SRBD1: variants seen among roughly 807,000 people sequenced by gnomAD.
SRBD1 encodes S1 RNA-binding domain-containing protein 1.
A neutral mutation model predicts 115.3 loss-of-function variants in SRBD1; 88 were observed. That is an observed-to-expected ratio of 0.76 (90% CI 0.64 to 0.91). The LOEUF is 0.91. Ranked by LOEUF, SRBD1 falls within the 40% of genes least tolerant of loss-of-function variation. The pLI is 0.00. For synonymous variants in SRBD1, 509 were observed against 407.7 expected, an observed-to-expected ratio of 1.25 and a Z score of -2.99; for missense variants, 1,385 against 1,177.4, an observed-to-expected ratio of 1.18 and a Z score of -2.58.
intron 14 of SRBD1, among the ~76,000 whole-genome samples, chr2:45,489,712 T>C (rs947918626): frequency 6.6e-6 from 1 of 152,132 alleles, no homozygotes; most frequent in African/African-American, 2.4e-5. Context: ...ATTTTGGGGA[T>C]AAGTAGTATG....
At chr2:45,488,477 T>C (rs896778000) in intron 14 of SRBD1, 146 bp from the exon 15 acceptor site, 2 of 586,658 alleles carry the variant, frequency 3.4e-6, no homozygotes, top group Non-Finnish European at 5.9e-6. Context: ...TGACAGCATC[T>C]AATATTTCAT....
intron 14 of SRBD1, among the ~76,000 whole-genome samples, chr2:45,510,633 C>CA (rs1206890981): frequency 6.6e-6 from 1 of 152,206 alleles, no homozygotes; most frequent in Non-Finnish European, 1.5e-5. Context: ...GAGAAGACTC[C>CA]ACTTCAGGCC....
At chr2:45,537,296 C>A (rs909084445) in intron 14 of SRBD1, among the ~76,000 whole-genome samples, 1 of 152,182 alleles carries the variant, frequency 6.6e-6, no homozygotes, top group Non-Finnish European at 1.5e-5. Context: ...AATTGTACTT[C>A]TTGTCACTAT....
chr2:45,572,352 G>T (rs6544832), intron 9 of SRBD1, among the ~76,000 whole-genome samples: 31,394 of 152,044 alleles, frequency 0.21, 5,728 homozygotes, highest in African/African-American at 0.49. Context: ...TAAAAAAATT[G>T]CTGGAGATTG....
At position 45,419,846 on chromosome 2, in the gene SRBD1, C is replaced by G; in HGVS notation, c.2098G>C (p.Glu700Gln). The change falls in exon 17 of 21, where the codon GAA (glutamate) becomes CAA (glutamine). Residue 700 changes from glutamate to glutamine, a missense_variant. Glu to Gln is a conservative substitution (Grantham distance 29). Coordinates refer to ENST00000263736, the MANE Select transcript of SRBD1 (RefSeq NM_018079.5). ...LLKATLDSVV[E>Q]ECVSFVGVDI... ...ACTCCCACAAAGCTGACACATTCTT[C>G]TACAACACTGTCCAGTGTTGCCTTG... 1.2e-6 allele frequency: 2 copies of G among 1,613,794 alleles called. No homozygotes were observed. Among genetic ancestry groups the G allele is most frequent in the African/African-American group, 2.7e-5 (2 of 75,036 alleles).
At chr2:45,449,699 A>C (rs1215576323) in intron 16 of SRBD1, among the ~76,000 whole-genome samples, 1 of 152,212 alleles carries the variant, frequency 6.6e-6, no homozygotes, top group African/African-American at 2.4e-5. Flanking sequence ...GTATTTTTAC[A>C]CCAACATTCT....
chr2:45,418,541 C>A lies in SRBD1; in HGVS notation c.2157G>T (p.Arg719Ser). ...DINICSEVLL[R>S]HIAGLNANRA... ...TGTTGGCATTGAGTCCTGCAATATG[C>A]CTAGAAAAAAAAAATAAGCAAACTG... The change falls in exon 18 of 21, where the codon AGG becomes AGT. Residue 719 changes from arginine to serine, a missense_variant and splice_region_variant. By Grantham distance (110) the Arg-to-Ser change is moderately radical. Coordinates refer to ENST00000263736, the MANE Select transcript of SRBD1 (RefSeq NM_018079.5). 3.2e-6 allele frequency: 5 copies of A among 1,581,016 alleles called. No individual in the cohort carries two copies. Among genetic ancestry groups the A allele is most frequent in the East Asian group, 2.3e-5 (1 of 44,040 alleles).
chr2:45,475,504 A>T (rs1195936240), intron 16 of SRBD1, among the ~76,000 whole-genome samples: 2 of 152,156 alleles, frequency 1.3e-5, no homozygotes, highest in Non-Finnish European at 2.9e-5. Context: ...TTATCTCTGA[A>T]TCCCAATCTG....
At chr2:45,530,501 G>A (rs1483411797) in intron 14 of SRBD1, among the ~76,000 whole-genome samples, 1 of 152,026 alleles carries the variant, frequency 6.6e-6, no homozygotes, top group Non-Finnish European at 1.5e-5. Context: ...GAAAGTTAAA[G>A]TGCTTACAAA....
Position 45,541,148 on chromosome 2 carries a change from G to A in SRBD1, c.1874+5584C>T, listed in dbSNP as rs181159527. On this transcript the variant is annotated intron_variant, in intron 14 of 20. Transcript: ENST00000263736. ...GTCCGGCCACTGTGCAGAGCTAGGC[G>A]TGCCAGCTGTGGCAGGGCAGGTGGT... 1.8e-3 allele frequency among the ~76,000 whole-genome samples: 270 copies of A among 152,366 alleles called. 1 individual carries two copies. In the Middle Eastern group the frequency reaches 0.027, roughly 15 times the overall value.
chr2:45,403,401 G>C (rs550320623), intron 19 of SRBD1, among the ~76,000 whole-genome samples: 4 of 151,664 alleles, frequency 2.6e-5, no homozygotes, highest in African/African-American at 9.7e-5. Flanking sequence ...ATCAGTTCCT[G>C]AGTAGTTCCC....
chr2:45,442,352 T>C (rs1438485847), intron 16 of SRBD1, among the ~76,000 whole-genome samples: 2 of 152,184 alleles, frequency 1.3e-5, no homozygotes, highest in Non-Finnish European at 2.9e-5. Flanking sequence ...AAAACTTATA[T>C]GAAAATGTTG....
rs372315626 is a variant in SRBD1 at position 45,540,029 on chromosome 2, T to C, written c.1874+6703A>G. ...ATTTGAAAAACACAGAACTTCTAGA[T>C]GAAAAATAAAACTGAAATTAAAAAT... is the stretch of plus-strand genomic sequence containing the variant. On this transcript the variant is annotated intron_variant, in intron 14 of 20. Transcript: ENST00000263736. Among the ~76,000 whole-genome samples, 93 of 151,980 alleles carry C rather than the reference T, an allele frequency of 6.1e-4. 1 individual carries two copies. Among genetic ancestry groups the C allele is most frequent in the East Asian group, 1.2e-3 (6 of 5,170 alleles).
At position 45,389,198 on chromosome 2, in the gene SRBD1, T is replaced by C; in HGVS notation, c.*112A>G. On this transcript the variant is annotated 3_prime_UTR_variant, in exon 21 of 21. Coordinates refer to ENST00000263736, the MANE Select transcript of SRBD1 (RefSeq NM_018079.5). ...GAAAGTGTTTGGAAAATATTTCTGA[T>C]ATTAAGTGAATTATTTCTCATCTGC... The C allele has an allele frequency of 3.3e-6, 4 of 1,217,066 alleles. No individual in the cohort carries two copies. Among genetic ancestry groups the C allele is most frequent in the Non-Finnish European group, 4.6e-6 (4 of 878,008 alleles). 75.4% of individuals were successfully genotyped at this position (1,217,066 alleles called of 1,614,324 possible). A position where few individuals can be genotyped will look rare whatever the true frequency, so the allele number is the denominator to read the frequency against.
intron 11 of SRBD1, 72 bp downstream of exon 11, chr2:45,553,551 T>G: frequency 1.1e-6 from 1 of 943,590 alleles, no homozygotes. Context: ...AAACATTAGC[T>G]ACACACTGTA....
chr2:45,529,320 G>A (rs961609532), intron 14 of SRBD1, among the ~76,000 whole-genome samples: 1 of 151,746 alleles, frequency 6.6e-6, no homozygotes, highest in Admixed American at 6.6e-5. Context: ...AAGGAAGATG[G>A]GGAAAAAGCA....
At chr2:45,567,506 G>A (rs1221105409) in intron 9 of SRBD1, among the ~76,000 whole-genome samples, 1 of 152,056 alleles carries the variant, frequency 6.6e-6, no homozygotes, top group Non-Finnish European at 1.5e-5. Context: ...CTCCTCAGGA[G>A]GCTGAAGTGG....
At chr2:45,512,476 G>A (rs990681448) in intron 14 of SRBD1, among the ~76,000 whole-genome samples, 3 of 152,104 alleles carry the variant, frequency 2.0e-5, no homozygotes, top group Non-Finnish European at 4.4e-5. Flanking sequence ...ATCTGTTGAA[G>A]AGATACTTTT....
intron 14 of SRBD1, among the ~76,000 whole-genome samples, chr2:45,517,863 T>A (rs1671167973): frequency 6.6e-6 from 1 of 152,038 alleles, no homozygotes. Flanking sequence ...TAGCTAGATC[T>A]GGCAGCACGT....
Sources: allele counts gnomAD v4.1 joint callset (sites outside exome capture counted in the v4.1 genomes callset), GRCh38; gene constraint gnomAD v4.1.1; transcripts MANE v1.5; gene names NCBI Gene and HGNC (gene_info 2026-07-23, HGNC 2026-07-21).